DPP10: variants seen among roughly 807,000 people sequenced by gnomAD.
DPP10 encodes dipeptidyl peptidase like 10.
In DPP10, 33 loss-of-function variants were observed where a neutral mutation model predicts 120.9. The ratio of observed to expected loss-of-function variants is 0.27; its 90% CI spans 0.21 to 0.37. DPP10 has a LOEUF of 0.37. Among genes scored for constraint, DPP10 ranks in the 10% least tolerant of loss-of-function variants. The pLI is 1.00. For missense variants in DPP10, 816 were observed against 942.8 expected, an observed-to-expected ratio of 0.87 and a Z score of 1.76; for synonymous variants, 337 against 326.1, an observed-to-expected ratio of 1.03 and a Z score of -0.36.
chr2:114,838,801 G>T (rs1008243468), intron 1 of DPP10, among the ~76,000 whole-genome samples: 4 of 152,076 alleles, frequency 2.6e-5, no homozygotes, highest in Admixed American at 2.0e-4. Context: ...TGTCTCATCA[G>T]TGTAGACTGA....
chr2:115,092,791 C>A (rs1321761432), intron 1 of DPP10, among the ~76,000 whole-genome samples: 1 of 152,012 alleles, frequency 6.6e-6, no homozygotes, highest in African/African-American at 2.4e-5. Context: ...AAGAGAAAAG[C>A]AAATACAATA....
At position 115,287,218 on chromosome 2, in the gene DPP10, G is replaced by T. The variant is rs528860095; in HGVS notation, c.61-22021G>T. Among the ~76,000 whole-genome samples, 10 of 152,138 alleles carry T rather than the reference G, an allele frequency of 6.6e-5. No individual in the cohort carries two copies. In the South Asian group the frequency reaches 2.1e-3, roughly 32 times the overall value. On this transcript the variant is annotated intron_variant, in intron 1 of 25. Transcript: ENST00000410059. The stretch of plus-strand genomic sequence containing the variant: ...GAAATTTGAAAGAGACAAATATTGA[G>T]GCAAGTGAAAAGTAATAGTCGAGTC...
chr2:114,806,824 A>AT lies in DPP10; in HGVS notation c.60+363994dup, dbSNP rs914500003. On this transcript the variant is annotated intron_variant, in intron 1 of 25. Coordinates refer to ENST00000410059, the MANE Select transcript of DPP10 (RefSeq NM_020868.6). ...AACTTATAATCTTCCTTGATTCTCC[A>AT]TTTTTTTTGTTGTTTATTGAACTCT... Among the ~76,000 whole-genome samples the AT allele has an allele frequency of 1.4e-3, 220 of 151,894 alleles. 1 individual carries two copies. The highest frequency in any genetic ancestry group is 0.011 in the Admixed American group (168 of 15,242).
At chr2:114,501,563 G>A (rs547194015) in intron 1 of DPP10, among the ~76,000 whole-genome samples, 47 of 152,252 alleles carry the variant, frequency 3.1e-4, no homozygotes, top group Middle Eastern at 3.4e-3. Flanking sequence ...CTAGAGAGGC[G>A]GAGGAGTAAC....
chr2:115,239,399 C>G (rs1190717109), intron 1 of DPP10, among the ~76,000 whole-genome samples: 9 of 152,062 alleles, frequency 5.9e-5, no homozygotes, highest in African/African-American at 2.2e-4. Context: ...CATAGCCACC[C>G]CAACATTCAG....
chr2:115,211,618 A>G (rs1053839793), intron 1 of DPP10, among the ~76,000 whole-genome samples: 4 of 151,704 alleles, frequency 2.6e-5, no homozygotes, highest in Non-Finnish European at 4.4e-5. Flanking sequence ...CTCTGGGAGG[A>G]CACTTACCCA....
At chr2:115,357,251 T>C (rs746595007) in intron 3 of DPP10, among the ~76,000 whole-genome samples, 2 of 152,208 alleles carry the variant, frequency 1.3e-5, no homozygotes, top group Non-Finnish European at 2.9e-5. Flanking sequence ...CCCTTCCACC[T>C]AGTGCCTGTA....
At chr2:114,874,985 C>T (rs901606736) in intron 1 of DPP10, among the ~76,000 whole-genome samples, 6 of 152,048 alleles carry the variant, frequency 3.9e-5, no homozygotes, top group African/African-American at 1.4e-4. Context: ...CCAATGTTAC[C>T]TCTTTATGAA....
At chr2:114,869,535 T>G (rs767382575) in intron 1 of DPP10, among the ~76,000 whole-genome samples, 1 of 152,166 alleles carries the variant, frequency 6.6e-6, no homozygotes, top group Non-Finnish European at 1.5e-5. Flanking sequence ...CCATTTATAC[T>G]GCTGAAGAGG....
intron 1 of DPP10, among the ~76,000 whole-genome samples, chr2:114,811,557 T>C (rs982580408): frequency 5.3e-5 from 8 of 151,256 alleles, no homozygotes; most frequent in African/African-American, 1.9e-4. Context: ...CCAACTCCAC[T>C]CTCATCTGGA....
chr2:114,730,307 C>T (rs1021015063), intron 1 of DPP10, among the ~76,000 whole-genome samples: 2 of 152,194 alleles, frequency 1.3e-5, no homozygotes, highest in Non-Finnish European at 2.9e-5. Flanking sequence ...ATAGGGCCAT[C>T]ATGTCCATTA....
intron 5 of DPP10, among the ~76,000 whole-genome samples, chr2:115,591,696 T>G (rs779560420): frequency 6.6e-6 from 1 of 152,192 alleles, no homozygotes; most frequent in African/African-American, 2.4e-5. Context: ...GTGAAGAAAG[T>G]CATTGGTAGC....
At chr2:114,574,071 A>G (rs1457666254) in intron 1 of DPP10, among the ~76,000 whole-genome samples, 1 of 152,174 alleles carries the variant, frequency 6.6e-6, no homozygotes, top group Non-Finnish European at 1.5e-5. Flanking sequence ...GATCAGAAAT[A>G]TCCTGTTTTA....
chr2:115,376,198 T>C (rs988890725), intron 3 of DPP10, among the ~76,000 whole-genome samples: 27 of 152,210 alleles, frequency 1.8e-4, no homozygotes, highest in Admixed American at 1.8e-3. Flanking sequence ...ATTGCTTCTC[T>C]TGTTATTGTT....
intron 1 of DPP10, among the ~76,000 whole-genome samples, chr2:114,810,233 T>C (rs1446445464): frequency 6.6e-6 from 1 of 152,252 alleles, no homozygotes; most frequent in Non-Finnish European, 1.5e-5. Context: ...GAGTGATTTC[T>C]AGCTAGAGTA....
At position 114,564,339 on chromosome 2, in the gene DPP10, G is replaced by A. The variant is rs999705290; in HGVS notation, c.60+121501G>A. Among the ~76,000 whole-genome samples the A allele has an allele frequency of 6.6e-5, 10 of 151,890 alleles. 1 individual carries two copies. The highest frequency in any genetic ancestry group is 1.2e-4 in the Non-Finnish European group (8 of 68,004). On this transcript the variant is annotated intron_variant, in intron 1 of 25. Coordinates refer to ENST00000410059, the MANE Select transcript of DPP10 (RefSeq NM_020868.6). ...TATAATTATCTAACCAAGCAGAAAC[G>A]TAAATATATATCTTCATTTAGCTTA...
chr2:115,681,493 A>C (rs915649330), intron 5 of DPP10, among the ~76,000 whole-genome samples: 2 of 151,840 alleles, frequency 1.3e-5, no homozygotes, highest in Non-Finnish European at 3.0e-5. Context: ...CTTTTATGGA[A>C]TAAGTTAACA....
intron 3 of DPP10, among the ~76,000 whole-genome samples, chr2:115,360,195 A>G (rs1052565877): frequency 6.6e-6 from 1 of 152,182 alleles, no homozygotes; most frequent in African/African-American, 2.4e-5. Flanking sequence ...TGAATTGCCA[A>G]AGTCCTTGCA....
intron 1 of DPP10, among the ~76,000 whole-genome samples, chr2:114,453,342 C>T (rs1400764446): frequency 6.6e-6 from 1 of 152,172 alleles, no homozygotes; most frequent in Non-Finnish European, 1.5e-5. Context: ...AAAGAAGTCT[C>T]GTCTCCTTTC....
Sources: allele counts gnomAD v4.1 joint callset (sites outside exome capture counted in the v4.1 genomes callset), GRCh38; gene constraint gnomAD v4.1.1; transcripts MANE v1.5; gene names NCBI Gene and HGNC (gene_info 2026-07-23, HGNC 2026-07-21).